The following TEX11 variants were observed in gnomAD, a reference collection of about 807,000 sequenced individuals.
The protein encoded by TEX11 is testis-expressed protein 11.
TEX11 carries 7 observed loss-of-function variants against 84.4 expected under a neutral mutation model. That is an observed-to-expected ratio of 0.08 (90% CI 0.05 to 0.16). The LOEUF is 0.16. Among genes scored for constraint, TEX11 ranks in the 10% least tolerant of loss-of-function variants. The pLI is 1.00. For synonymous variants in TEX11, 264 were observed against 222.8 expected (o/e 1.18, Z -1.64); for missense variants, 551 against 660.5 (o/e 0.83, Z 1.82).
chrX:70,813,150 G>A (rs1340716730), intron 8 of TEX11, among the ~76,000 whole-genome samples: 1 of 110,808 alleles, frequency 9.0e-6, no homozygotes, highest in African/African-American at 3.3e-5. Context: ...ACAAAAAAAA[G>A]AGAATTTTAG....
chrX:70,748,643 A>G (rs1331728448), intron 9 of TEX11, among the ~76,000 whole-genome samples: 1 of 105,225 alleles, frequency 9.5e-6, no homozygotes, highest in East Asian at 3.0e-4. Flanking sequence ...ACATATGGCT[A>G]GCCAGTTTTC....
At chrX:70,826,438 G>C (rs750811698) in intron 8 of TEX11, among the ~76,000 whole-genome samples, 9 of 111,530 alleles carry the variant, frequency 8.1e-5, no homozygotes, top group Non-Finnish European at 1.5e-4. Context: ...ACAATCACAA[G>C]AACCAAAACC....
At chrX:70,652,304 C>T (rs1018551717) in intron 16 of TEX11, among the ~76,000 whole-genome samples, 5 of 111,009 alleles carry the variant, frequency 4.5e-5, no homozygotes, top group Admixed American at 1.9e-4. Context: ...TGTCAGCCTT[C>T]GAAATATTTC....
At chrX:70,564,208 G>A (rs958584926) in intron 25 of TEX11, among the ~76,000 whole-genome samples, 5 of 111,622 alleles carry the variant, frequency 4.5e-5, no homozygotes, top group East Asian at 2.8e-4. Flanking sequence ...CAGCCTGGGC[G>A]ACAGAGTGAG....
At chrX:70,707,999 A>C (rs898410177) in intron 13 of TEX11, among the ~76,000 whole-genome samples, 1 of 111,434 alleles carries the variant, frequency 9.0e-6, no homozygotes, top group Admixed American at 9.6e-5. Context: ...AAATATTCAC[A>C]AACTATGGAT....
intron 9 of TEX11, among the ~76,000 whole-genome samples, chrX:70,767,943 C>T (rs191157282): frequency 2.7e-5 from 3 of 110,613 alleles, no homozygotes; most frequent in African/African-American, 9.9e-5. Context: ...AACACATGGA[C>T]ACAGAGAGTA....
At chrX:70,566,638 C>T (rs1426936348) in intron 25 of TEX11, among the ~76,000 whole-genome samples, 2 of 111,199 alleles carry the variant, frequency 1.8e-5, no homozygotes, top group African/African-American at 6.6e-5. Context: ...TGTCAATGGC[C>T]TTTTCTGCAT....
intron 9 of TEX11, among the ~76,000 whole-genome samples, chrX:70,782,771 G>A (rs900151541): frequency 9.4e-6 from 1 of 106,478 alleles, no homozygotes; most frequent in Admixed American, 1.0e-4. Context: ...AATAAAACAA[G>A]AAGAGCTAAC....
the TEX11 span, among the ~76,000 whole-genome samples, chrX:70,519,012 G>A: frequency 9.9e-5 from 11 of 111,429 alleles, no homozygotes; most frequent in Non-Finnish European, 1.7e-4. Flanking sequence ...GTGTCTCTGC[G>A]TGTGAGATGG....
intron 13 of TEX11, among the ~76,000 whole-genome samples, chrX:70,694,638 T>C (rs1383750038): frequency 8.9e-6 from 1 of 112,146 alleles, no homozygotes; most frequent in East Asian, 2.8e-4. Flanking sequence ...TTGGAAAAGC[T>C]TGGCAATTTC....
chrX:70,683,067 C>T (rs5980998), intron 13 of TEX11, among the ~76,000 whole-genome samples: 21,550 of 110,167 alleles, frequency 0.2, 1,664 homozygotes, highest in African/African-American at 0.21. Context: ...CATTTCTCTC[C>T]TAATATCTAA....
chrX:70,895,460 T>C (rs895800587), intron 2 of TEX11, among the ~76,000 whole-genome samples: 2 of 111,997 alleles, frequency 1.8e-5, no homozygotes, highest in African/African-American at 6.5e-5. Context: ...AAGTAATTTA[T>C]AGATTCAATG....
chrX:70,886,410 T>C (rs2091709452), intron 2 of TEX11, among the ~76,000 whole-genome samples: 1 of 109,833 alleles, frequency 9.1e-6, no homozygotes, highest in African/African-American at 3.3e-5. Context: ...AACCAAAGAG[T>C]AGAATGGTGG....
In TEX11 at chrX:70,888,276, G is replaced by C. The variant is rs146855553; in HGVS notation, c.38-8167C>G. 6.0e-3 allele frequency among the ~76,000 whole-genome samples: 672 copies of C among 112,727 alleles called. 5 individuals are homozygous for C. Among genetic ancestry groups the C allele is most frequent in the African/African-American group, 0.021 (643 of 31,129 alleles). On this transcript the variant is annotated intron_variant, in intron 2 of 29. Coordinates refer to ENST00000374333, the MANE Select transcript of TEX11 (RefSeq NM_031276.3). Reference sequence around the variant, plus strand: ...GAAACAAGAGACATGTGACCTTTCAGAGAGATAATTCAAAATAGCTGTGTT... The same window carrying C: ...GAAACAAGAGACATGTGACCTTTCACAGAGATAATTCAAAATAGCTGTGTT...
chrX:70,706,261 G>C (rs1439792639), intron 13 of TEX11, among the ~76,000 whole-genome samples: 1 of 102,591 alleles, frequency 9.7e-6, no homozygotes, highest in Non-Finnish European at 2.0e-5. Context: ...TGAACAATGA[G>C]AACACTTGGA....
chrX:70,676,758 T>C (rs1040378261), intron 15 of TEX11, among the ~76,000 whole-genome samples: 1 of 112,171 alleles, frequency 8.9e-6, no homozygotes, highest in Non-Finnish European at 1.9e-5. Flanking sequence ...CTGAACTCTT[T>C]TAATTTTTTT....
At chrX:70,683,161 T>A (rs1466875018) in intron 13 of TEX11, among the ~76,000 whole-genome samples, 1 of 111,674 alleles carries the variant, frequency 9.0e-6, no homozygotes, top group Non-Finnish European at 1.9e-5. Flanking sequence ...ACATGAGAAA[T>A]TTACTAGTTC....
intron 24 of TEX11, among the ~76,000 whole-genome samples, chrX:70,593,259 T>C (rs762858603): frequency 8.9e-6 from 1 of 111,827 alleles, no homozygotes; most frequent in African/African-American, 3.2e-5. Flanking sequence ...GAGGGAGGTA[T>C]AAGCAGTCTT....
At chrX:70,879,683 A>T (rs2147872537) in intron 3 of TEX11, among the ~76,000 whole-genome samples, 1 of 111,214 alleles carries the variant, frequency 9.0e-6, no homozygotes, top group African/African-American at 3.3e-5. Flanking sequence ...TCATAACAAC[A>T]CTTGGAGGTG....
Sources: gnomAD v4.1 joint callset for allele counts (sites outside exome capture counted in the v4.1 genomes callset) on GRCh38, gnomAD v4.1.1 for gene constraint, MANE v1.5 for transcripts, NCBI Gene and HGNC (gene_info 2026-07-23, HGNC 2026-07-21) for gene names.